The following MRTFB variants were observed in gnomAD, a reference collection of about 807,000 sequenced individuals.
MRTFB encodes myocardin-related transcription factor B.
MRTFB carries 29 observed loss-of-function variants against 104.2 expected under a neutral mutation model. That is an observed-to-expected ratio of 0.28 (90% CI 0.21 to 0.38). MRTFB has a LOEUF of 0.38. Ranked by LOEUF, MRTFB falls within the 10% of genes least tolerant of loss-of-function variation. The probability of loss-of-function intolerance (pLI) is 1.00; values close to 1 mark genes in which losing one functional copy is unlikely to be tolerated. For synonymous variants in MRTFB, 535 were observed against 519.5 expected, an observed-to-expected ratio of 1.03 and a Z score of -0.41; for missense variants, 1,270 against 1,341.6, an observed-to-expected ratio of 0.95 and a Z score of 0.83.
chr16:14,032,512 CT>C, the MRTFB span, among the ~76,000 whole-genome samples: 5 of 152,006 alleles, frequency 3.3e-5, no homozygotes, highest in Non-Finnish European at 5.9e-5. Context: ...TGTTTCTCTG[CT>C]TTTTTTTCTT....
Position 14,218,784 on chromosome 16 carries a change from A to T in MRTFB, c.515-36A>T, listed in dbSNP as rs374507083. The T allele has an allele frequency of 5.5e-4, 857 of 1,556,936 alleles. 7 individuals are homozygous for T. The highest frequency in any genetic ancestry group is 3.6e-4 in the Middle Eastern group (2 of 5,590). On this transcript the variant is annotated intron_variant, in intron 7 of 16. Coordinates refer to ENST00000571589, the MANE Select transcript of MRTFB (RefSeq NM_001308142.2). Reference sequence around the variant, plus strand: ...ACATTAAGCTTGGTATTCCAAAGCCAACATAAGTCAAGTCAAAAATCATTT... The same window carrying T: ...ACATTAAGCTTGGTATTCCAAAGCCTACATAAGTCAAGTCAAAAATCATTT...
chr16:14,218,513 A>G (rs1567179908), intron 7 of MRTFB, among the ~76,000 whole-genome samples: 1 of 151,828 alleles, frequency 6.6e-6, no homozygotes. Flanking sequence ...GTTCTCTAGC[A>G]TGTCCCACAT....
At chr16:14,010,102 G>A in the MRTFB span, among the ~76,000 whole-genome samples, 4 of 152,138 alleles carry the variant, frequency 2.6e-5, no homozygotes, top group Non-Finnish European at 4.4e-5. Flanking sequence ...AAATCTTCCT[G>A]AAGGAGGGTG....
intron 2 of MRTFB, among the ~76,000 whole-genome samples, chr16:14,110,728 T>C (rs1434256182): frequency 6.6e-6 from 1 of 152,130 alleles, no homozygotes; most frequent in East Asian, 1.9e-4. Flanking sequence ...TCCTTTCTCC[T>C]CCTCGCTGCT....
the MRTFB span, among the ~76,000 whole-genome samples, chr16:14,032,493 G>T: frequency 6.6e-6 from 1 of 152,148 alleles, no homozygotes; most frequent in African/African-American, 2.4e-5. Context: ...AACCAGAAAC[G>T]TACATAAATG....
chr16:14,167,363 T>C (rs1032383110), intron 3 of MRTFB, among the ~76,000 whole-genome samples: 3 of 152,154 alleles, frequency 2.0e-5, no homozygotes, highest in Non-Finnish European at 4.4e-5. Context: ...GTTTTTTTTT[T>C]CTTGTAAATT....
intron 4 of MRTFB, 91 bp downstream of exon 4, chr16:14,210,399 G>T (rs763233157): frequency 2.4e-5 from 23 of 946,136 alleles, no homozygotes; most frequent in Non-Finnish European, 3.7e-5. Context: ...GCTTTCAGTT[G>T]TATCCATTTA....
intron 8 of MRTFB, among the ~76,000 whole-genome samples, chr16:14,231,147 G>T (rs924583649): frequency 2.0e-5 from 3 of 148,118 alleles, no homozygotes; most frequent in South Asian, 2.2e-4. Flanking sequence ...GTAAGGGGAG[G>T]GGGGAGGGAT....
the MRTFB span, among the ~76,000 whole-genome samples, chr16:14,064,775 G>A: frequency 2.0e-5 from 3 of 152,110 alleles, no homozygotes; most frequent in Non-Finnish European, 4.4e-5. Flanking sequence ...TTGTAGATGT[G>A]CAACTTTATT....
chr16:14,003,758 G>T, the MRTFB span, among the ~76,000 whole-genome samples: 1 of 151,810 alleles, frequency 6.6e-6, no homozygotes, highest in African/African-American at 2.4e-5. Context: ...CTAGAGGGGG[G>T]AAACTCAAAA....
chr16:14,189,935 A>C (rs955262707), intron 3 of MRTFB, among the ~76,000 whole-genome samples: 3 of 152,202 alleles, frequency 2.0e-5, no homozygotes, highest in Non-Finnish European at 2.9e-5. Context: ...CTTTATTAGC[A>C]AACGCTGTAG....
chr16:14,161,039 G>C (rs1237827383), intron 3 of MRTFB, among the ~76,000 whole-genome samples: 1 of 144,890 alleles, frequency 6.9e-6, no homozygotes, highest in Non-Finnish European at 1.5e-5. Context: ...TGTTAGTTGA[G>C]TGTCACTGCT....
intron 10 of MRTFB, 89 bp from the exon 11 acceptor site, chr16:14,245,439 C>T (rs2042969749): frequency 8.7e-7 from 1 of 1,147,532 alleles, no homozygotes. Context: ...GTATTTTTCT[C>T]TTCATAAGTT....
At chr16:14,188,834 C>T (rs1266066018) in intron 3 of MRTFB, among the ~76,000 whole-genome samples, 2 of 151,938 alleles carry the variant, frequency 1.3e-5, no homozygotes, top group South Asian at 2.1e-4. Flanking sequence ...TTTCTTTTTC[C>T]TTCTGTTTAA....
chr16:13,999,887 C>T, the MRTFB span, among the ~76,000 whole-genome samples: 1 of 152,198 alleles, frequency 6.6e-6, no homozygotes, highest in African/African-American at 2.4e-5. Context: ...AGGCACCCAA[C>T]AACACTGAGG....
At chr16:14,103,205 C>T (rs1003052152) in intron 2 of MRTFB, among the ~76,000 whole-genome samples, 26 of 152,168 alleles carry the variant, frequency 1.7e-4, no homozygotes, top group Non-Finnish European at 3.1e-4. Context: ...TCTTGTCTGG[C>T]TTCCTTACTT....
intron 15 of MRTFB, among the ~76,000 whole-genome samples, chr16:14,256,130 A>C (rs970362864): frequency 7.6e-6 from 1 of 131,644 alleles, no homozygotes; most frequent in African/African-American, 3.9e-5. Context: ...AAAAAGAAAG[A>C]AAGAAAAATT....
At chr16:14,057,877 T>C in the MRTFB span, among the ~76,000 whole-genome samples, 1 of 152,304 alleles carries the variant, frequency 6.6e-6, no homozygotes, top group African/African-American at 2.4e-5. Context: ...AGAAAATAAG[T>C]GTGTTCCAGG....
chr16:14,039,756 T>C, the MRTFB span, among the ~76,000 whole-genome samples: 1 of 108,130 alleles, frequency 9.2e-6, no homozygotes, highest in East Asian at 3.1e-4. Flanking sequence ...CTCAATAATA[T>C]GTTCTTTTTT....
Sources: allele counts gnomAD v4.1 joint callset (sites outside exome capture counted in the v4.1 genomes callset), GRCh38; gene constraint gnomAD v4.1.1; transcripts MANE v1.5; gene names NCBI Gene and HGNC (gene_info 2026-07-23, HGNC 2026-07-21).